SEMA3E: variants seen among roughly 807,000 people sequenced by gnomAD.
SEMA3E encodes the protein semaphorin 3E, also known as semaphorin-3E.
Under a neutral mutation model 93.6 loss-of-function variants are expected in SEMA3E, and 49 were observed. The ratio of observed to expected loss-of-function variants is 0.52; its 90% confidence interval spans 0.42 to 0.66. SEMA3E has a LOEUF of 0.66. SEMA3E is among the 30% of genes least tolerant of loss of function. The pLI is 0.00. For missense variants in SEMA3E, 906 were observed against 964.8 expected, an observed-to-expected ratio of 0.94 and a Z score of 0.81; for synonymous variants, 363 against 330.7, an observed-to-expected ratio of 1.10 and a Z score of -1.06.
rs1794678044 is a variant in SEMA3E, at chr7:83,366,930, T to C, written c.*656A>G. 6.6e-6 allele frequency: 1 copy of C among 152,346 alleles called. No individual in the cohort carries two copies. Among genetic ancestry groups the C allele is most frequent in the Admixed American group, 6.5e-5 (1 of 15,302 alleles). 9.4% of individuals were successfully genotyped at this position (152,346 alleles called of 1,614,324 possible). ...TCTGAGAAGTTACCTTAGTTTTTAT[T>C]TCCACAGTGAGTGAAAATTAAAGAC... On this transcript the variant is annotated 3_prime_UTR_variant, in exon 17 of 17. Coordinates refer to ENST00000643230, the MANE Select transcript of SEMA3E (RefSeq NM_012431.3).
At chr7:83,622,303 T>G (rs986235763) in intron 1 of SEMA3E, among the ~76,000 whole-genome samples, 2 of 152,118 alleles carry the variant, frequency 1.3e-5, no homozygotes, top group Non-Finnish European at 2.9e-5. Flanking sequence ...CCCGTCAGAA[T>G]GGTGATTATT....
intron 4 of SEMA3E, among the ~76,000 whole-genome samples, chr7:83,433,229 T>G (rs1788927641): frequency 6.6e-6 from 1 of 152,230 alleles, no homozygotes; most frequent in African/African-American, 2.4e-5. Context: ...AAAAAATGAT[T>G]ATCATTTTTG....
At chr7:83,625,322 C>A (rs532657660) in intron 1 of SEMA3E, among the ~76,000 whole-genome samples, 2 of 152,168 alleles carry the variant, frequency 1.3e-5, no homozygotes, top group South Asian at 2.1e-4. Flanking sequence ...CACAGTATGG[C>A]CATTATCATG....
At chr7:83,597,564 T>C (rs1792904333) in intron 1 of SEMA3E, among the ~76,000 whole-genome samples, 1 of 152,188 alleles carries the variant, frequency 6.6e-6, no homozygotes, top group Admixed American at 6.6e-5. Flanking sequence ...CATTAAGTTG[T>C]CCTACTTAGC....
chr7:83,431,070 C>G (rs866458783), intron 4 of SEMA3E, among the ~76,000 whole-genome samples: 13 of 117,196 alleles, frequency 1.1e-4, no homozygotes, highest in South Asian at 3.1e-4. Flanking sequence ...ATTTTCACTG[C>G]ATTGCCAAAA....
intron 1 of SEMA3E, among the ~76,000 whole-genome samples, chr7:83,632,442 A>G (rs1793805808): frequency 1.3e-5 from 2 of 152,272 alleles, no homozygotes; most frequent in East Asian, 1.9e-4. Context: ...TCATGGGGGC[A>G]GTCTTCCCCA....
intron 1 of SEMA3E, among the ~76,000 whole-genome samples, chr7:83,610,586 G>T (rs1226593775): frequency 6.6e-6 from 1 of 151,960 alleles, no homozygotes; most frequent in Non-Finnish European, 1.5e-5. Flanking sequence ...TAAATACCTT[G>T]TTAGGGGCTA....
At chr7:83,394,218 A>G (rs1788073155) in intron 13 of SEMA3E, 79 bp downstream of exon 13, 2 of 1,433,684 alleles carry the variant, frequency 1.4e-6, no homozygotes, top group Non-Finnish European at 9.7e-7. Flanking sequence ...ACATGTACTA[A>G]TGTTCTCATA....
At chr7:83,507,804 T>A (rs1215014239) in intron 1 of SEMA3E, among the ~76,000 whole-genome samples, 1 of 151,468 alleles carries the variant, frequency 6.6e-6, no homozygotes. Context: ...ATAAAAAAAA[T>A]GCCAGGCATG....
At chr7:83,571,075 CAA>C (rs200925353) in intron 1 of SEMA3E, among the ~76,000 whole-genome samples, 15 of 134,370 alleles carry the variant, frequency 1.1e-4, no homozygotes, top group Middle Eastern at 3.9e-3. Context: ...AAAATCCCAC[CAA>C]AAAAAAAAAA....
At chr7:83,486,815 T>C (rs562260396) in intron 2 of SEMA3E, among the ~76,000 whole-genome samples, 4 of 152,186 alleles carry the variant, frequency 2.6e-5, no homozygotes, top group South Asian at 2.1e-4. Context: ...CTTTGCAATT[T>C]TGAAATTTTT....
chr7:83,367,330 A>G lies in SEMA3E; in HGVS notation c.*256T>C, dbSNP rs10237682. On this transcript the variant is annotated 3_prime_UTR_variant, in exon 17 of 17. Transcript: ENST00000643230. ...AGAAAAGCAGCCAAGTACTGAAAAT[A>G]ACAGCTACAGTTGTTTTTTGATAAA... 0.027 allele frequency: 11,126 copies of G among 406,682 alleles called. 1,088 individuals carry two copies. The highest frequency in any genetic ancestry group is 0.21 in the African/African-American group (10,160 of 49,348). The allele number at this position is 406,682 out of a possible 1,614,324, so 25.2% of individuals were successfully genotyped here.
intron 1 of SEMA3E, among the ~76,000 whole-genome samples, chr7:83,492,533 G>A (rs1204880873): frequency 6.6e-6 from 1 of 151,820 alleles, no homozygotes; most frequent in East Asian, 1.9e-4. Context: ...TTATTCTGGT[G>A]TATCACCTTC....
In SEMA3E at chr7:83,519,106, A is replaced by T. The variant is rs969304086; in HGVS notation, c.116-28832T>A. On this transcript the variant is annotated intron_variant, in intron 1 of 16. Transcript: ENST00000643230. ...ATTTAGCATTAGGTATATCTCCTAA[A>T]GCTATCCCTCCCCGCTACCCCCACC... is the stretch of plus-strand genomic sequence containing the variant. 7.9e-5 allele frequency among the ~76,000 whole-genome samples: 12 copies of T among 151,802 alleles called. 1 individual carries two copies. The South Asian group carries it at 8.3e-4, about 11-fold the overall frequency.
chr7:83,365,099 T>C lies in SEMA3E; in HGVS notation c.*2487A>G, dbSNP rs530740403. On this transcript the variant is annotated 3_prime_UTR_variant, in exon 17 of 17. Transcript: ENST00000643230. ...AGAACAGCATAGATTGATTTATTTG[T>C]ATTTTGATAGGGCAGTGAAGATTTA... 5.9e-5 allele frequency: 9 copies of C among 152,270 alleles called. No individual in the cohort carries two copies. Among genetic ancestry groups the C allele is most frequent in the South Asian group, 2.1e-4 (1 of 4,826 alleles). The allele number at this position is 152,270 out of a possible 1,614,324, so 9.4% of individuals were successfully genotyped here.
rs1322021149 is a variant in SEMA3E, at chr7:83,391,913, T to C, written c.1667+642A>G. ...CTGCTTATTCTGTAAGAAATAAAAA[T>C]ACTTTTTTTCCTGAGGTATTTCCAC... On this transcript the variant is annotated intron_variant, in intron 14 of 16. Transcript: ENST00000643230. Among the ~76,000 whole-genome samples the C allele has an allele frequency of 2.6e-5, 4 of 152,012 alleles. No individual in the cohort carries two copies. In the South Asian group the frequency reaches 8.3e-4, roughly 31 times the overall value.
intron 1 of SEMA3E, among the ~76,000 whole-genome samples, chr7:83,606,657 A>G (rs1264178430): frequency 6.8e-6 from 1 of 147,284 alleles, no homozygotes; most frequent in Non-Finnish European, 1.5e-5. Flanking sequence ...GATATACCTA[A>G]TGCTAGATGA....
chr7:83,614,342 G>T (rs1793323857), intron 1 of SEMA3E, among the ~76,000 whole-genome samples: 2 of 152,198 alleles, frequency 1.3e-5, no homozygotes, highest in Admixed American at 1.3e-4. Context: ...TATAACAGAT[G>T]CTGTGTTTCT....
intron 4 of SEMA3E, among the ~76,000 whole-genome samples, chr7:83,460,405 G>A (rs978469677): frequency 4.0e-5 from 6 of 151,656 alleles, no homozygotes; most frequent in Middle Eastern, 3.2e-3. Flanking sequence ...CATTTTATCC[G>A]TGGACCCAAA....
Sources: gnomAD v4.1 joint callset for allele counts (sites outside exome capture counted in the v4.1 genomes callset) on GRCh38, gnomAD v4.1.1 for gene constraint, MANE v1.5 for transcripts, NCBI Gene and HGNC (gene_info 2026-07-23, HGNC 2026-07-21) for gene names.